PDE11A: variants seen among roughly 807,000 people sequenced by gnomAD.
PDE11A encodes the protein phosphodiesterase 11A.
A neutral mutation model predicts 100.5 loss-of-function variants in PDE11A; 100 were observed. The ratio of observed to expected loss-of-function variants is 1.00; its 90% CI spans 0.85 to 1.18. PDE11A has a LOEUF of 1.18. PDE11A is among the 50% of genes most tolerant of loss of function. The probability of loss-of-function intolerance (pLI) is 0.00; values close to 1 mark genes in which losing one functional copy is unlikely to be tolerated. For missense variants in PDE11A, 1,141 were observed against 1,152.6 expected (o/e 0.99, Z 0.15); for synonymous variants, 381 against 420.8 (o/e 0.91, Z 1.16).
At chr2:177,634,439 A>C (rs2105437299) in intron 19 of PDE11A, among the ~76,000 whole-genome samples, 1 of 140,352 alleles carries the variant, frequency 7.1e-6, no homozygotes, top group Non-Finnish European at 1.5e-5. Context: ...CCCAGGCTGG[A>C]GTGCAGTGGG....
At chr2:177,928,737 C>A (rs13026166) in intron 2 of PDE11A, among the ~76,000 whole-genome samples, 15,900 of 151,996 alleles carry the variant, frequency 0.1, 1,143 homozygotes, top group Non-Finnish European at 0.15. Flanking sequence ...GTGGCACATG[C>A]CTGTGGTCCC....
chr2:178,098,968 C>T (rs192509821), intron 2 of PDE11A, among the ~76,000 whole-genome samples: 2 of 152,282 alleles, frequency 1.3e-5, no homozygotes, highest in Admixed American at 6.5e-5. Flanking sequence ...CCTAGTTCCA[C>T]CATTTATTAG....
chr2:177,736,351 A>C (rs2081782408), intron 10 of PDE11A, among the ~76,000 whole-genome samples: 1 of 151,918 alleles, frequency 6.6e-6, no homozygotes, highest in Non-Finnish European at 1.5e-5. Flanking sequence ...GTCTCTATTA[A>C]AAATACAAAA....
intron 4 of PDE11A, among the ~76,000 whole-genome samples, chr2:177,894,665 G>A: frequency 6.6e-6 from 1 of 152,074 alleles, no homozygotes; most frequent in East Asian, 1.9e-4. Flanking sequence ...ACTCTTTGTG[G>A]CAATAATATA....
intron 9 of PDE11A, among the ~76,000 whole-genome samples, chr2:177,783,058 A>G (rs760763491): frequency 5.9e-5 from 9 of 152,034 alleles, no homozygotes; most frequent in Non-Finnish European, 1.2e-4. Flanking sequence ...CTCAGCCTTT[A>G]CTCATATTTC....
At chr2:178,102,815 A>G (rs2105889589) in intron 2 of PDE11A, among the ~76,000 whole-genome samples, 1 of 152,322 alleles carries the variant, frequency 6.6e-6, no homozygotes, top group Admixed American at 6.5e-5. Flanking sequence ...CTGGTAACTC[A>G]GAATATGAGT....
rs539411793 is a variant in PDE11A, at chr2:177,631,480, CAAAAAAAAAAAAA to C, written c.2647-1931_2647-1919del. ...TGGGCAACAGAGTGAGACTCTATCT[CAAAAAAAAAAAAA>C]AAAAAAAAAAAAAAAAAAAATATAT... On this transcript the variant is annotated intron_variant, in intron 19 of 19. Transcript: ENST00000286063. Among the ~76,000 whole-genome samples the C allele has an allele frequency of 4.4e-3, 36 of 8,158 alleles. 1 individual carries two copies. The highest frequency in any genetic ancestry group is 0.019 in the South Asian group (1 of 54). The allele number at this position is 8,158 out of a possible 152,430, so 5.4% of individuals were successfully genotyped here.
At chr2:178,063,368 G>A (rs1288318161) in intron 1 of PDE11A, among the ~76,000 whole-genome samples, 1 of 152,070 alleles carries the variant, frequency 6.6e-6, no homozygotes, top group Non-Finnish European at 1.5e-5. Flanking sequence ...TGTTTTAATG[G>A]GGTATGGTAA....
intron 2 of PDE11A, among the ~76,000 whole-genome samples, chr2:177,930,735 G>A (rs2085194188): frequency 6.6e-6 from 1 of 152,192 alleles, no homozygotes; most frequent in Admixed American, 6.5e-5. Context: ...AGTAGAGACA[G>A]GCATTGACTA....
At position 177,627,881 on chromosome 2, in the gene PDE11A, A is replaced by C. The variant is rs2079860396; in HGVS notation, c.*1526T>G. On this transcript the variant is annotated 3_prime_UTR_variant, in exon 20 of 20. Coordinates refer to ENST00000286063, the MANE Select transcript of PDE11A (RefSeq NM_016953.4). Reference sequence around the variant, plus strand: ...AACAAACAAAGAAACAAAAACAATAACAAGAAAAATGGTTTGTAAATTTCA... The same window carrying C: ...AACAAACAAAGAAACAAAAACAATACCAAGAAAAATGGTTTGTAAATTTCA... The C allele has an allele frequency of 6.6e-6, 1 of 152,198 alleles. No homozygotes were observed. Among genetic ancestry groups the C allele is most frequent in the Non-Finnish European group, 1.5e-5 (1 of 68,056 alleles). The allele number at this position is 152,198 out of a possible 1,614,324, so 9.4% of individuals were successfully genotyped here.
intron 5 of PDE11A, among the ~76,000 whole-genome samples, chr2:177,870,625 C>A (rs1331336296): frequency 6.6e-6 from 1 of 152,196 alleles, no homozygotes; most frequent in African/African-American, 2.4e-5. Context: ...TCCTGGTAAT[C>A]TACTTGCAAG....
At chr2:177,985,210 T>C (rs1295211025) in intron 2 of PDE11A, among the ~76,000 whole-genome samples, 1 of 152,252 alleles carries the variant, frequency 6.6e-6, no homozygotes, top group East Asian at 1.9e-4. Context: ...CAGGTGATTA[T>C]AGTTAATATA....
At chr2:177,944,807 T>G (rs1205836528) in intron 2 of PDE11A, among the ~76,000 whole-genome samples, 2 of 107,074 alleles carry the variant, frequency 1.9e-5, no homozygotes, top group Middle Eastern at 4.1e-3. Context: ...GCGAGCGCTC[T>G]CCCTCTCCCT....
At chr2:177,860,043 T>A (rs2083918850) in intron 5 of PDE11A, among the ~76,000 whole-genome samples, 2 of 151,652 alleles carry the variant, frequency 1.3e-5, no homozygotes, top group African/African-American at 4.8e-5. Flanking sequence ...AACCTCACCC[T>A]CCACCTTAAG....
chr2:177,814,586 G>C (rs1262426561), intron 9 of PDE11A, among the ~76,000 whole-genome samples: 1 of 152,170 alleles, frequency 6.6e-6, no homozygotes, highest in Non-Finnish European at 1.5e-5. Flanking sequence ...ACAAAATAAA[G>C]CATGTGGAAC....
At chr2:177,748,475 T>C (rs2081983842) in intron 10 of PDE11A, among the ~76,000 whole-genome samples, 1 of 152,200 alleles carries the variant, frequency 6.6e-6, no homozygotes, top group African/African-American at 2.4e-5. Context: ...TCTTATCTAT[T>C]TGCGTATTAT....
intron 9 of PDE11A, among the ~76,000 whole-genome samples, chr2:177,796,778 C>T (rs541507563): frequency 6.6e-6 from 1 of 152,264 alleles, no homozygotes; most frequent in Non-Finnish European, 1.5e-5. Context: ...AGCCAGCAGG[C>T]AAAGGCATGG....
rs2083067772 is a variant in PDE11A, at chr2:177,817,868, C to T, written c.1634G>A (p.Arg545Gln). 3 of 1,500,372 alleles carry T rather than the reference C, an allele frequency of 2.0e-6. No individual in the cohort carries two copies. Among genetic ancestry groups the T allele is most frequent in the African/African-American group, 1.4e-5 (1 of 71,130 alleles). The allele number at this position is 1,500,372 out of a possible 1,614,324, so 92.9% of individuals were successfully genotyped here. A position where few individuals can be genotyped will look rare whatever the true frequency, so the allele number is the denominator to read the frequency against. Reference sequence around the variant, plus strand: ...AATTTATTTTCTTACCTCAAAAAGTCGTTGATCTGCATCATCAAAAGGTTT... The same window carrying T: ...AATTTATTTTCTTACCTCAAAAAGTTGTTGATCTGCATCATCAAAAGGTTT... ...DGKPFDDADQ[R>Q]LFEAFVIFCG... The change falls in exon 8 of 20, where the codon CGA (arginine) becomes CAA (glutamine). Residue 545 changes from arginine to glutamine, a missense_variant. Transcript: ENST00000286063.
At chr2:177,784,967 G>T (rs970994077) in intron 9 of PDE11A, among the ~76,000 whole-genome samples, 1 of 152,162 alleles carries the variant, frequency 6.6e-6, no homozygotes, top group African/African-American at 2.4e-5. Flanking sequence ...ATTACCTACA[G>T]CAATTCTTAA....
Sources: allele counts gnomAD v4.1 joint callset (sites outside exome capture counted in the v4.1 genomes callset), GRCh38; gene constraint gnomAD v4.1.1; transcripts MANE v1.5; gene names NCBI Gene and HGNC (gene_info 2026-07-23, HGNC 2026-07-21).